The following P2RX1 variants were observed in gnomAD, a reference collection of about 807,000 sequenced individuals.
P2RX1 encodes the protein purinergic receptor P2X 1.
A neutral mutation model predicts 50.3 loss-of-function variants in P2RX1; 42 were observed. The ratio of observed to expected loss-of-function variants is 0.83; its 90% CI spans 0.65 to 1.08. The LOEUF is 1.08. P2RX1 is among the 50% of genes least tolerant of loss of function. The pLI is 0.00. For synonymous variants in P2RX1, 199 were observed against 202.6 expected (o/e 0.98, Z 0.15); for missense variants, 449 against 529.0 (o/e 0.85, Z 1.48).
chr17:3,904,072 C>G (rs2056209358), intron 4 of P2RX1, 48 bp from the exon 5 acceptor site: 2 of 1,442,682 alleles, frequency 1.4e-6, no homozygotes, highest in South Asian at 2.3e-5. Flanking sequence ...ACAGAGGAGG[C>G]CGCCCCAGAC....
intron 8 of P2RX1, 67 bp downstream of exon 8, chr17:3,899,567 T>C (rs2056097380): frequency 6.3e-7 from 1 of 1,596,338 alleles, no homozygotes; most frequent in Admixed American, 1.7e-5. Flanking sequence ...AGACCTGAAG[T>C]GTTCTGGGAG....
chr17:3,902,940 T>A (rs1301923521), intron 7 of P2RX1, among the ~76,000 whole-genome samples: 2 of 151,612 alleles, frequency 1.3e-5, no homozygotes, highest in African/African-American at 2.4e-5. Context: ...TTTTTTTTTT[T>A]AAAGCAGGGC....
rs781507586 is a variant in P2RX1, at chr17:3,903,295, G to A, written c.654C>T (p.Leu218=). ...ACAGGGGGTGCAGGGTCTTGTGAAA[G>A]AGGCAGGTCTTCATGTGGGCAGCAT... ...EVNAAHMKTC[L]FHKTLHPLCP... The change falls in exon 7 of 12, where the codon CTC becomes CTT. Residue 218 remains leucine (L), a synonymous_variant. Coordinates refer to ENST00000225538, the MANE Select transcript of P2RX1 (RefSeq NM_002558.4). The surrounding 1 kb of genome is among the most constrained non-coding windows in gnomAD (Gnocchi z 4.6). 3.7e-6 allele frequency: 6 copies of A among 1,614,192 alleles called. No homozygotes were observed. In the East Asian group the frequency reaches 1.1e-4, roughly 30 times the overall value.
intron 1 of P2RX1, among the ~76,000 whole-genome samples, chr17:3,913,837 A>G (rs757567578): frequency 3.3e-5 from 5 of 149,426 alleles, no homozygotes; most frequent in Non-Finnish European, 7.4e-5. Flanking sequence ...GGAAACAGCA[A>G]AGTGCTGAGC....
intron 7 of P2RX1, among the ~76,000 whole-genome samples, chr17:3,902,925 G>GTTTTTTT (rs555049705): frequency 3.2e-4 from 46 of 143,206 alleles, no homozygotes; most frequent in African/African-American, 1.2e-3. Flanking sequence ...CTTTTATCTA[G>GTTTTTTT]TTTTTTTTTT....
rs544147407 is a variant in P2RX1 at position 3,897,587 on chromosome 17, C to T, written c.*227G>A. ...AGCCCCAGCCATTCCCCACCAGGAGCGGCTGAGGCTAGGGTAGGGCTCCCT... is the reference window on the plus strand; with the variant it reads ...AGCCCCAGCCATTCCCCACCAGGAGTGGCTGAGGCTAGGGTAGGGCTCCCT... On this transcript the variant is annotated 3_prime_UTR_variant, in exon 12 of 12. Coordinates refer to ENST00000225538, the MANE Select transcript of P2RX1 (RefSeq NM_002558.4). The T allele has an allele frequency of 3.4e-4, 204 of 592,378 alleles. No individual in the cohort carries two copies. Among genetic ancestry groups the T allele is most frequent in the Middle Eastern group, 4.5e-4 (1 of 2,218 alleles). The allele number at this position is 592,378 out of a possible 1,614,324, so 36.7% of individuals were successfully genotyped here. A position where few individuals can be genotyped will look rare whatever the true frequency, so the allele number is the denominator to read the frequency against.
At chr17:3,910,925 T>C (rs1000069788) in intron 1 of P2RX1, among the ~76,000 whole-genome samples, 6 of 152,360 alleles carry the variant, frequency 3.9e-5, no homozygotes, top group Middle Eastern at 3.4e-3. Context: ...AATGACTAAC[T>C]GAATGTGGAA....
chr17:3,914,578 C>T lies in P2RX1; in HGVS notation c.137+1511G>A, dbSNP rs141098674. Among the ~76,000 whole-genome samples the T allele has an allele frequency of 1.4e-4, 22 of 152,264 alleles. No homozygotes were observed. The East Asian group carries it at 4.1e-3, about 28-fold the overall frequency. On this transcript the variant is annotated intron_variant, in intron 1 of 11. Transcript: ENST00000225538. This position sits in a 1 kb window ranked among gnomAD's most constrained non-coding sequence, Gnocchi z 4.1. ...CCCAGCCTCTTCCAGCAAGGGTAGG[C>T]TGGGCCTGCGCAGACAGCCTCTCCC...
In P2RX1 at chr17:3,897,778, T is replaced by TC. The variant is rs762117067; in HGVS notation, c.*35dup. 6.2e-7 allele frequency: 1 copy of TC among 1,601,552 alleles called. No individual in the cohort carries two copies. Among genetic ancestry groups the TC allele is most frequent in the Admixed American group, 1.7e-5 (1 of 59,796 alleles). ...CCCACCAGGGCTCCAGGCTGAAGCC[T>TC]CACGCTGCACCCAGTCAGGAGTTGG... On this transcript the variant is annotated 3_prime_UTR_variant, in exon 12 of 12. Transcript: ENST00000225538.
At chr17:3,915,152 G>A (rs1400331504) in intron 1 of P2RX1, among the ~76,000 whole-genome samples, 1 of 152,176 alleles carries the variant, frequency 6.6e-6, no homozygotes, top group Non-Finnish European at 1.5e-5. Context: ...GACCCCAGCA[G>A]GGGCTGAGCC....
At chr17:3,898,635 C>A in intron 9 of P2RX1, 86 bp from the exon 10 acceptor site, 1 of 1,011,818 alleles carries the variant, frequency 9.9e-7, no homozygotes, top group East Asian at 2.5e-5. Context: ...GGGGACTTCC[C>A]CACCCTCGGC....
chr17:3,897,769 G>T lies in P2RX1; in HGVS notation c.*45C>A, dbSNP rs1361090160. On this transcript the variant is annotated 3_prime_UTR_variant, in exon 12 of 12. Coordinates refer to ENST00000225538, the MANE Select transcript of P2RX1 (RefSeq NM_002558.4). ...TGGCTGGGACCCACCAGGGCTCCAG[G>T]CTGAAGCCTCACGCTGCACCCAGTC... The T allele has an allele frequency of 1.9e-6, 3 of 1,581,394 alleles. No homozygotes were observed. The highest frequency in any genetic ancestry group is 2.6e-6 in the Non-Finnish European group (3 of 1,155,004).
At chr17:3,904,046 T>C (rs1240013710) in intron 4 of P2RX1, 22 bp from the exon 5 acceptor site, 1 of 1,601,506 alleles carries the variant, frequency 6.2e-7, no homozygotes, top group Admixed American at 1.7e-5. Context: ...GGGAAACCCC[T>C]GGGTGCCTGC....
At chr17:3,912,812 C>G (rs556863439) in intron 1 of P2RX1, among the ~76,000 whole-genome samples, 30 of 152,264 alleles carry the variant, frequency 2.0e-4, no homozygotes, top group African/African-American at 7.2e-4. Flanking sequence ...TTTCTCCCCC[C>G]AATAATTTCT....
intron 1 of P2RX1, among the ~76,000 whole-genome samples, chr17:3,905,682 A>G (rs2056249460): frequency 1.3e-5 from 2 of 152,126 alleles, no homozygotes; most frequent in Admixed American, 6.5e-5. Flanking sequence ...ATCTGTCTCT[A>G]CTAAAAATAC....
chr17:3,906,670 A>G (rs1035711110), intron 1 of P2RX1, among the ~76,000 whole-genome samples: 6 of 152,172 alleles, frequency 3.9e-5, no homozygotes, highest in African/African-American at 7.2e-5. Context: ...GAGGTCTTCC[A>G]GTTTTCTTGG....
chr17:3,909,481 C>T (rs2056326019), intron 1 of P2RX1, among the ~76,000 whole-genome samples: 1 of 152,180 alleles, frequency 6.6e-6, no homozygotes, highest in African/African-American at 2.4e-5. Context: ...CTGCCTCAGA[C>T]ACGCTGTGTC....
intron 3 of P2RX1, 115 bp from the exon 4 acceptor site, chr17:3,904,514 C>G (rs1327720239): frequency 6.7e-6 from 6 of 892,012 alleles, no homozygotes; most frequent in Non-Finnish European, 5.4e-6. Context: ...TCAGACCTCT[C>G]TGGAGTGACG....
Position 3,914,645 on chromosome 17 carries a change from G to T in P2RX1, c.137+1444C>A, listed in dbSNP as rs537258975. 6.6e-6 allele frequency among the ~76,000 whole-genome samples: 1 copy of T among 152,172 alleles called. No homozygotes were observed. Among genetic ancestry groups the T allele is most frequent in the Non-Finnish European group, 1.5e-5 (1 of 68,026 alleles). ...GATACTAAGGGTGGACTTCCGGCCC[G>T]TCCTGTACCTGGCATCCCACCATCA... is the stretch of plus-strand genomic sequence containing the variant. On this transcript the variant is annotated intron_variant, in intron 1 of 11. Coordinates refer to ENST00000225538, the MANE Select transcript of P2RX1 (RefSeq NM_002558.4). This position sits in a 1 kb window ranked among gnomAD's most constrained non-coding sequence, Gnocchi z 4.1.
Sources: gnomAD v4.1 joint callset for allele counts (sites outside exome capture counted in the v4.1 genomes callset) on GRCh38, gnomAD v4.1.1 for gene constraint, Gnocchi (gnomAD v3.1) non-coding constraint, MANE v1.5 for transcripts, NCBI Gene and HGNC (gene_info 2026-07-23, HGNC 2026-07-21) for gene names.